Variants in ZSCAN25 observed in about 807,000 individuals in gnomAD.
ZSCAN25 encodes zinc finger and SCAN domain containing 25.
ZSCAN25 carries 27 observed loss-of-function variants against 38.7 expected under a neutral mutation model. That is an observed-to-expected ratio of 0.70 (90% CI 0.51 to 0.96). The LOEUF (loss-of-function observed/expected upper bound fraction) is 0.96. ZSCAN25 is among the 40% of genes least tolerant of loss of function. The pLI is 0.00. For missense variants in ZSCAN25, 637 were observed against 705.9 expected (o/e 0.90, Z 1.11); for synonymous variants, 273 against 277.7 (o/e 0.98, Z 0.17).
chr7:99,617,896 C>T lies in ZSCAN25; in HGVS notation c.-258-629C>T, dbSNP rs150670977. ...GGAGACACATGGGTAAACATTTGCA[C>T]TGTAGTGCATTAAATGCACTAGTGG... is the stretch of plus-strand genomic sequence containing the variant. On this transcript the variant is annotated intron_variant, in intron 1 of 7. Coordinates refer to ENST00000394152, the MANE Select transcript of ZSCAN25 (RefSeq NM_145115.3). Among the ~76,000 whole-genome samples the T allele has an allele frequency of 1.3e-4, 20 of 152,328 alleles. No homozygotes were observed. The East Asian group carries it at 3.7e-3, about 28-fold the overall frequency.
At chr7:99,708,894 T>A in the ZSCAN25 span, 1 of 993,322 alleles carries the variant, frequency 1.0e-6, no homozygotes, top group Non-Finnish European at 1.5e-6. Flanking sequence ...GTGACAATGA[T>A]CAATTTCATG....
chr7:99,683,150 C>A, the ZSCAN25 span, among the ~76,000 whole-genome samples: 4 of 152,188 alleles, frequency 2.6e-5, no homozygotes, highest in African/African-American at 7.2e-5. Flanking sequence ...CAAAATGTAT[C>A]CTAGGCTTAT....
chr7:99,674,492 C>A, the ZSCAN25 span: 1 of 1,535,950 alleles, frequency 6.5e-7, no homozygotes, highest in Non-Finnish European at 9.0e-7. Context: ...AACCTCCTCA[C>A]AGTAGCAGGT....
chr7:99,637,184 A>G (rs1180916167), downstream of ZSCAN25, among the ~76,000 whole-genome samples: 1 of 152,210 alleles, frequency 6.6e-6, no homozygotes, highest in Non-Finnish European at 1.5e-5. Context: ...TCAACTAGGT[A>G]AAAGGTGCAT....
chr7:99,699,970 A>T, the ZSCAN25 span: 18 of 1,606,892 alleles, frequency 1.1e-5, no homozygotes, highest in Admixed American at 3.3e-5. Flanking sequence ...TGACAGATAG[A>T]GGAGCACAAG....
the ZSCAN25 span, chr7:99,663,612 A>G: frequency 7.0e-6 from 7 of 1,000,282 alleles, no homozygotes; most frequent in South Asian, 1.3e-4. Context: ...ATGATTCTTT[A>G]CCAATCTGTG....
chr7:99,733,300 G>A, the ZSCAN25 span, among the ~76,000 whole-genome samples: 2 of 152,176 alleles, frequency 1.3e-5, no homozygotes, highest in Non-Finnish European at 2.9e-5. Flanking sequence ...TGGCCCCCGA[G>A]GAAAGATCTA....
At chr7:99,676,059 A>G in the ZSCAN25 span, 1 of 1,484,912 alleles carries the variant, frequency 6.7e-7, no homozygotes, top group Non-Finnish European at 9.4e-7. Flanking sequence ...TTACTGATGG[A>G]ACTAAGCTGA....
At chr7:99,731,220 C>A in the ZSCAN25 span, 1 of 1,576,002 alleles carries the variant, frequency 6.3e-7, no homozygotes, top group Non-Finnish European at 8.7e-7. Flanking sequence ...TGGTGAGTCA[C>A]TGACTGAGGA....
chr7:99,701,124 G>A, the ZSCAN25 span, among the ~76,000 whole-genome samples: 8 of 152,140 alleles, frequency 5.3e-5, no homozygotes, highest in East Asian at 1.5e-3. Flanking sequence ...TGTACTTAGG[G>A]TACAAAATTG....
the ZSCAN25 span, among the ~76,000 whole-genome samples, chr7:99,712,708 G>C: frequency 0.76 from 115,901 of 152,136 alleles, 47,128 homozygotes; most frequent in Non-Finnish European, 0.91. Context: ...ATTTAAATCT[G>C]TATGCCAAAG....
In ZSCAN25 at chr7:99,630,628, C is replaced by T. The variant is rs1807925234; in HGVS notation, c.*608C>T. ...ATCTTCCCATGACCACTCCTGCCCTCCTGCCCCGTGCTGGATCTTCCCTCC... is the reference window on the plus strand; with the variant it reads ...ATCTTCCCATGACCACTCCTGCCCTTCTGCCCCGTGCTGGATCTTCCCTCC... On this transcript the variant is annotated 3_prime_UTR_variant, in exon 8 of 8. Transcript: ENST00000394152. 1 of 985,732 alleles carries T rather than the reference C, an allele frequency of 1.0e-6. No individual in the cohort carries two copies. The highest frequency in any genetic ancestry group is 1.7e-5 in the African/African-American group (1 of 57,234). 61.1% of individuals were successfully genotyped at this position (985,732 alleles called of 1,614,324 possible).
At chr7:99,699,827 C>T in the ZSCAN25 span, 165 of 615,438 alleles carry the variant, frequency 2.7e-4, no homozygotes, top group African/African-American at 2.6e-3. Flanking sequence ...ATAATAACCT[C>T]TATGTGTTTG....
chr7:99,630,762 T>A lies in ZSCAN25; in HGVS notation c.*742T>A. 1.0e-6 allele frequency: 1 copy of A among 985,454 alleles called. No individual in the cohort carries two copies. Among genetic ancestry groups the A allele is most frequent in the Non-Finnish European group, 1.2e-6 (1 of 829,950 alleles). The allele number at this position is 985,454 out of a possible 1,614,324, so 61.0% of individuals were successfully genotyped here. Reference sequence around the variant, plus strand: ...TCATCTGTAAAACTTCCCCGTCCATTATTCCTTGCACTATAACAACTGTCA... The same window carrying A: ...TCATCTGTAAAACTTCCCCGTCCATAATTCCTTGCACTATAACAACTGTCA... On this transcript the variant is annotated 3_prime_UTR_variant, in exon 8 of 8. Coordinates refer to ENST00000394152, the MANE Select transcript of ZSCAN25 (RefSeq NM_145115.3).
chr7:99,705,456 G>A, the ZSCAN25 span: 5 of 1,599,960 alleles, frequency 3.1e-6, no homozygotes, highest in Non-Finnish European at 4.3e-6. Context: ...TGGTGTTCTG[G>A]GGCACAGCTT....
chr7:99,688,833 C>A, the ZSCAN25 span, among the ~76,000 whole-genome samples: 10 of 152,178 alleles, frequency 6.6e-5, no homozygotes, highest in African/African-American at 9.7e-5. Flanking sequence ...GACCACAGTG[C>A]AATCAAACTA....
chr7:99,735,107 C>A, the ZSCAN25 span: 6 of 1,613,880 alleles, frequency 3.7e-6, no homozygotes, highest in South Asian at 1.1e-5. Context: ...TACTTTCCTT[C>A]CTTATCTCTC....
At chr7:99,726,884 C>G in the ZSCAN25 span, among the ~76,000 whole-genome samples, 2 of 152,190 alleles carry the variant, frequency 1.3e-5, no homozygotes, top group African/African-American at 2.4e-5. Flanking sequence ...TTCATGAAAA[C>G]ACATGGGGTC....
At chr7:99,650,253 T>A in the ZSCAN25 span, 8 of 1,607,130 alleles carry the variant, frequency 5.0e-6, no homozygotes, top group Non-Finnish European at 6.8e-6. Flanking sequence ...ATTGGTAGAT[T>A]AAATAGTTAA....
Sources: gnomAD v4.1 joint callset for allele counts (sites outside exome capture counted in the v4.1 genomes callset) on GRCh38, gnomAD v4.1.1 for gene constraint, MANE v1.5 for transcripts, NCBI Gene and HGNC (gene_info 2026-07-23, HGNC 2026-07-21) for gene names.